FBXO40: variants seen among roughly 807,000 people sequenced by gnomAD.
The protein encoded by FBXO40 is F-box protein 40, also known as F-box only protein 40.
FBXO40 carries 50 observed loss-of-function variants against 49.9 expected under a neutral mutation model. That is an observed-to-expected ratio of 1.00 (90% CI 0.80 to 1.27). The LOEUF (loss-of-function observed/expected upper bound fraction) is 1.27, where lower values mean the gene tolerates loss of function less well. Ranked by LOEUF, FBXO40 falls within the 50% of genes most tolerant of loss-of-function variation. The pLI, the probability that FBXO40 is intolerant of heterozygous loss-of-function variation, is 0.00. For synonymous variants in FBXO40, 340 were observed against 320.2 expected (o/e 1.06, Z -0.66); for missense variants, 895 against 870.1 (o/e 1.03, Z -0.36).
rs2048891840 is a variant in FBXO40 at position 121,599,717 on chromosome 3, T to C, written c.-31+6215T>C. Among the ~76,000 whole-genome samples, 3 of 87,502 alleles carry C rather than the reference T, an allele frequency of 3.4e-5. No homozygotes were observed. In the South Asian group the frequency reaches 1.1e-3, roughly 32 times the overall value. The allele number at this position is 87,502 out of a possible 152,430, so 57.4% of individuals were successfully genotyped here. A position where few individuals can be genotyped will look rare whatever the true frequency, so the allele number is the denominator to read the frequency against. ...ACACACACACACACATATATATATA[T>C]ATATATATTTTTTTTTTTTTTTGGA... On this transcript the variant is annotated intron_variant, in intron 1 of 3. Coordinates refer to ENST00000338040, the MANE Select transcript of FBXO40 (RefSeq NM_016298.4).
intron 1 of FBXO40, among the ~76,000 whole-genome samples, chr3:121,612,974 G>T (rs1374154728): frequency 2.0e-5 from 3 of 151,908 alleles, no homozygotes; most frequent in Admixed American, 2.0e-4. Context: ...GGAGGCTGAG[G>T]CGGGAGAATG....
At position 121,622,724 on chromosome 3, in the gene FBXO40, A is replaced by G. The variant is rs201421773; in HGVS notation, c.1295A>G (p.Asn432Ser). ...LFMDFATQTYNFEPEQFSSGT... is the reference protein window; with the variant it reads ...LFMDFATQTYSFEPEQFSSGT... Reference sequence around the variant, plus strand: ...ATGGATTTTGCCACACAAACATACAACTTTGAGCCAGAACAGTTTTCCTCT... The same window carrying G: ...ATGGATTTTGCCACACAAACATACAGCTTTGAGCCAGAACAGTTTTCCTCT... Residue 432 changes from asparagine (N) to serine (S), a missense_variant, in exon 3 of 4, where the codon AAC becomes AGC. Transcript: ENST00000338040. The G allele has an allele frequency of 6.2e-7, 1 of 1,614,188 alleles. No homozygotes were observed. Among genetic ancestry groups the G allele is most frequent in the Non-Finnish European group, 8.5e-7 (1 of 1,180,034 alleles).
In FBXO40 at chr3:121,622,202, T is replaced by C. The variant is rs769667052; in HGVS notation, c.773T>C (p.Val258Ala). The C allele has an allele frequency of 5.6e-6, 9 of 1,612,620 alleles. No individual in the cohort carries two copies. The South Asian group carries it at 8.8e-5, about 16-fold the overall frequency. ...CAGATTTCCAGTGGCCATAACATGG[T>C]AGAAGGAGAGGGCGCTCCCAAAAAG... The part of the protein sequence containing the change: ...KEQISSGHNM[V>A]EGEGAPKKKE... The change falls in exon 3 of 4, where the codon GTA becomes GCA. Residue 258 changes from valine to alanine, a missense_variant. Transcript: ENST00000338040.
chr3:121,617,422 C>T (rs917531441), intron 1 of FBXO40, among the ~76,000 whole-genome samples: 5 of 151,554 alleles, frequency 3.3e-5, no homozygotes, highest in Non-Finnish European at 5.9e-5. Flanking sequence ...GGTGAAACCC[C>T]GTCTCTACTA....
chr3:121,612,043 T>C (rs1379017129), intron 1 of FBXO40, among the ~76,000 whole-genome samples: 1 of 152,202 alleles, frequency 6.6e-6, no homozygotes, highest in African/African-American at 2.4e-5. Flanking sequence ...TGGAGTATCT[T>C]ATGTCTTCCC....
In FBXO40 at chr3:121,599,011, C is replaced by T. The variant is rs1246768507; in HGVS notation, c.-31+5509C>T. ...AGCACATTCCGTGTAGATCTTGGGA[C>T]TATTTAAATCTAAACTATATTAGTT... is the stretch of plus-strand genomic sequence containing the variant. On this transcript the variant is annotated intron_variant, in intron 1 of 3. Coordinates refer to ENST00000338040, the MANE Select transcript of FBXO40 (RefSeq NM_016298.4). 5.2e-5 allele frequency among the ~76,000 whole-genome samples: 6 copies of T among 115,288 alleles called. No individual in the cohort carries two copies. In the East Asian group the frequency reaches 1.5e-3, roughly 28 times the overall value. 75.6% of individuals were successfully genotyped at this position (115,288 alleles called of 152,430 possible).
At chr3:121,608,149 G>T (rs745357446) in intron 1 of FBXO40, among the ~76,000 whole-genome samples, 16 of 152,096 alleles carry the variant, frequency 1.1e-4, no homozygotes, top group Non-Finnish European at 2.1e-4. Context: ...CATCTGCAAG[G>T]GCATTTCATT....
chr3:121,606,123 G>A (rs1163321652), intron 1 of FBXO40, among the ~76,000 whole-genome samples: 1 of 152,230 alleles, frequency 6.6e-6, no homozygotes, highest in African/African-American at 2.4e-5. Context: ...CCAGGAGGAG[G>A]ATCAGGAAGA....
At position 121,623,206 on chromosome 3, in the gene FBXO40, C is replaced by A; in HGVS notation, c.1777C>A (p.Leu593Met). 1 of 1,614,200 alleles carries A rather than the reference C, an allele frequency of 6.2e-7. No individual in the cohort carries two copies. Among genetic ancestry groups the A allele is most frequent in the South Asian group, 1.1e-5 (1 of 91,074 alleles). ...YIAGFLDSVS[L>M]AQLSQVSVLM... is the part of the protein sequence containing the mutation. The stretch of plus-strand genomic sequence containing the variant: ...TGCTGGGTTCTTGGACAGCGTCAGC[C>A]TGGCCCAGCTCTCCCAGGTGTCTGT... The change falls in exon 3 of 4, where the codon CTG becomes ATG. Residue 593 changes from leucine to methionine, a missense_variant. Transcript: ENST00000338040.
chr3:121,626,688 T>C lies in FBXO40; in HGVS notation c.1915-7T>C. 6.2e-7 allele frequency: 1 copy of C among 1,614,028 alleles called. No individual in the cohort carries two copies. The highest frequency in any genetic ancestry group is 8.5e-7 in the Non-Finnish European group (1 of 1,179,886). On this transcript the variant is annotated splice_region_variant and splice_polypyrimidine_tract_variant and intron_variant, in intron 3 of 3. Coordinates refer to ENST00000338040, the MANE Select transcript of FBXO40 (RefSeq NM_016298.4). ...ATTCACCTTTGAACTTCTATCTTTC[T>C]CAACAGATCTGGCAGTTCAGCAGCC...
At chr3:121,614,773 G>A (rs930135078) in intron 1 of FBXO40, among the ~76,000 whole-genome samples, 1 of 152,170 alleles carries the variant, frequency 6.6e-6, no homozygotes, top group Non-Finnish European at 1.5e-5. Context: ...GCCAACTGAT[G>A]CTGCGCAGAC....
chr3:121,601,237 G>A (rs1478203413), intron 1 of FBXO40, among the ~76,000 whole-genome samples: 2 of 152,146 alleles, frequency 1.3e-5, no homozygotes, highest in Non-Finnish European at 2.9e-5. Flanking sequence ...AGGCTCAGAT[G>A]TGATTTGTTT....
At position 121,622,011 on chromosome 3, in the gene FBXO40, G is replaced by A. The variant is rs761959890; in HGVS notation, c.582G>A (p.Glu194=). 4 of 1,614,234 alleles carry A rather than the reference G, an allele frequency of 2.5e-6. No individual in the cohort carries two copies. The highest frequency in any genetic ancestry group is 1.1e-5 in the South Asian group (1 of 91,082). Residue 194 remains glutamate, a synonymous_variant, in exon 3 of 4, where the codon GAG becomes GAA. Coordinates refer to ENST00000338040, the MANE Select transcript of FBXO40 (RefSeq NM_016298.4). ...CAGCAACTAATGGGGAGATGGCAGA[G>A]CTAAGTCAAGAAGAACGGGAGGTGC... ...GLSATNGEMA[E]LSQEEREVLA... is the part of the protein sequence containing the mutation.
chr3:121,622,073 T>C lies in FBXO40; in HGVS notation c.644T>C (p.Phe215Ser), dbSNP rs556118975. 33 of 1,614,052 alleles carry C rather than the reference T, an allele frequency of 2.0e-5. No homozygotes were observed. Among genetic ancestry groups the C allele is most frequent in the African/African-American group, 1.3e-4 (10 of 74,996 alleles). The change falls in exon 3 of 4, where the codon TTT (phenylalanine) becomes TCT (serine). Residue 215 changes from phenylalanine (F) to serine (S), a missense_variant. By Grantham distance (155) the Phe-to-Ser change is radical (BLOSUM62 -2). Coordinates refer to ENST00000338040, the MANE Select transcript of FBXO40 (RefSeq NM_016298.4). ...KTKEGMDLVK[F>S]GQWENIFSKE... ...AAAGAAGGGATGGACCTGGTCAAGT[T>C]TGGCCAGTGGGAAAATATTTTCAGC...
intron 1 of FBXO40, among the ~76,000 whole-genome samples, chr3:121,608,108 G>A (rs1237632668): frequency 6.6e-6 from 1 of 152,180 alleles, no homozygotes; most frequent in Non-Finnish European, 1.5e-5. Context: ...AGCGTTAACT[G>A]GCTCTTTTAG....
intron 1 of FBXO40, among the ~76,000 whole-genome samples, chr3:121,617,551 C>A (rs530162845): frequency 5.3e-5 from 8 of 151,800 alleles, no homozygotes; most frequent in Admixed American, 3.9e-4. Context: ...GCCAAGATTG[C>A]GCCATTGCAC....
rs1338991227 is a variant in FBXO40, at chr3:121,621,417, T to C, written c.4-16T>C. The stretch of plus-strand genomic sequence containing the variant: ...GTATTCATTTGTTTTCTTCCCCCTG[T>C]CCTTGGTGTGTCCAGGGGAAAGCCC... On this transcript the variant is annotated splice_polypyrimidine_tract_variant and intron_variant, in intron 2 of 3. Transcript: ENST00000338040. 1 of 1,596,014 alleles carries C rather than the reference T, an allele frequency of 6.3e-7. No homozygotes were observed. Among genetic ancestry groups the C allele is most frequent in the Non-Finnish European group, 8.6e-7 (1 of 1,167,404 alleles).
In FBXO40 at chr3:121,621,767, A is replaced by C; in HGVS notation, c.338A>C (p.Glu113Ala). 6.2e-7 allele frequency: 1 copy of C among 1,614,194 alleles called. No individual in the cohort carries two copies. Among genetic ancestry groups the C allele is most frequent in the South Asian group, 1.1e-5 (1 of 91,088 alleles). ...GTGGACTCTGAAACCACCCTTCATG[A>C]AAACATCATGAAAGAGACCCCCAGT... ...PNVDSETTLH[E>A]NIMKETPSEE... Residue 113 changes from glutamate to alanine, a missense_variant, in exon 3 of 4, where the codon GAA becomes GCA. By Grantham distance (107) the Glu-to-Ala change is moderately radical (BLOSUM62 -1). Coordinates refer to ENST00000338040, the MANE Select transcript of FBXO40 (RefSeq NM_016298.4).
intron 1 of FBXO40, among the ~76,000 whole-genome samples, chr3:121,597,822 C>T (rs747075933): frequency 9.9e-5 from 15 of 152,082 alleles, no homozygotes; most frequent in Middle Eastern, 3.4e-3. Context: ...ACACCACACC[C>T]GGCTACTTTT....
Sources: allele counts gnomAD v4.1 joint callset (sites outside exome capture counted in the v4.1 genomes callset), GRCh38; gene constraint gnomAD v4.1.1; transcripts MANE v1.5; gene names NCBI Gene and HGNC (gene_info 2026-07-23, HGNC 2026-07-21).